DNAH6: variants seen among roughly 807,000 people sequenced by gnomAD.
The protein encoded by DNAH6 is axonemal beta dynein heavy chain 6.
DNAH6 carries 340 observed loss-of-function variants against 491.4 expected under a neutral mutation model. The observed-to-expected ratio is 0.69, with a 90% CI of 0.63 to 0.76. DNAH6 has a LOEUF of 0.76. DNAH6 is among the 30% of genes least tolerant of loss of function. The probability of loss-of-function intolerance (pLI) is 0.00; values close to 1 mark genes in which losing one functional copy is unlikely to be tolerated. For missense variants in DNAH6, 4,443 were observed against 4,972.2 expected, an observed-to-expected ratio of 0.89 and a Z score of 3.20; for synonymous variants, 1,603 against 1,686.1, an observed-to-expected ratio of 0.95 and a Z score of 1.21.
rs907916269 is a variant in DNAH6, at chr2:84,733,481, C to T, written c.10244C>T (p.Thr3415Ile). 3.2e-6 allele frequency: 5 copies of T among 1,551,272 alleles called. No individual in the cohort carries two copies. The highest frequency in any genetic ancestry group is 1.7e-4 in the Middle Eastern group (1 of 6,014). ...AAGCCTGAAGCTCCCTGGCTACCTA[C>T]TGCTACATGGTTCGCATGCTGTGAC... ...PPKPEAPWLP[T>I]ATWFACCDLE... is the part of the protein sequence containing the mutation. The change falls in exon 62 of 77, where the codon ACT becomes ATT. Residue 3415 changes from threonine (T) to isoleucine (I), a missense_variant. By Grantham distance (89) the Thr-to-Ile change is moderately conservative (BLOSUM62 -1). This residue lies in a region of DNAH6 where 1,463 missense variants were observed against 1,656.6 expected (regional missense o/e 0.88). Transcript: ENST00000389394.
At chr2:84,737,849 G>A (rs1398088112) in intron 62 of DNAH6, among the ~76,000 whole-genome samples, 2 of 151,744 alleles carry the variant, frequency 1.3e-5, no homozygotes, top group East Asian at 1.9e-4. Context: ...CCTGATTATA[G>A]TTCTTTTATT....
chr2:84,534,103 T>C (rs1474435236), intron 4 of DNAH6, among the ~76,000 whole-genome samples: 1 of 151,990 alleles, frequency 6.6e-6, no homozygotes, highest in Non-Finnish European at 1.5e-5. Flanking sequence ...TCACAAAATT[T>C]ACATAACACT....
At chr2:84,602,988 T>G (rs1685411275) in intron 18 of DNAH6, among the ~76,000 whole-genome samples, 2 of 152,194 alleles carry the variant, frequency 1.3e-5, no homozygotes, top group East Asian at 3.9e-4. Flanking sequence ...ACCTCTCTGT[T>G]GACATTTCCC....
intron 26 of DNAH6, 145 bp downstream of exon 26, chr2:84,621,696 T>A (rs2104403191): frequency 1.9e-6 from 1 of 522,474 alleles, no homozygotes; most frequent in Middle Eastern, 5.1e-4. Flanking sequence ...GCTTTACAAT[T>A]CTAAAATTAT....
At chr2:84,560,449 T>C (rs995722446) in intron 11 of DNAH6, among the ~76,000 whole-genome samples, 3 of 150,688 alleles carry the variant, frequency 2.0e-5, no homozygotes, top group African/African-American at 7.4e-5. Context: ...TTTTCTTTTT[T>C]TTTTCTTTTT....
At chr2:84,741,870 A>G (rs767881054) in intron 62 of DNAH6, among the ~76,000 whole-genome samples, 50 of 152,204 alleles carry the variant, frequency 3.3e-4, no homozygotes, top group Non-Finnish European at 6.5e-4. Context: ...ACAAGGCCCT[A>G]GTGGGTCAAG....
chr2:84,505,559 T>A, the DNAH6 span, among the ~76,000 whole-genome samples: 47 of 152,154 alleles, frequency 3.1e-4, no homozygotes, highest in Non-Finnish European at 4.4e-5. Context: ...TTTTTTTAAG[T>A]TCTTTTTTTA....
At chr2:84,573,867 A>G in intron 12 of DNAH6, among the ~76,000 whole-genome samples, 1 of 152,206 alleles carries the variant, frequency 6.6e-6, no homozygotes, top group East Asian at 1.9e-4. Context: ...CTAAGAGTAT[A>G]TAGCCTGCAT....
At chr2:84,806,524 C>T (rs1679424069) in intron 71 of DNAH6, among the ~76,000 whole-genome samples, 1 of 146,656 alleles carries the variant, frequency 6.8e-6, no homozygotes. Flanking sequence ...GAGGCTGAGG[C>T]AGGAGAATGG....
At chr2:84,562,623 G>A (rs990496660) in intron 11 of DNAH6, among the ~76,000 whole-genome samples, 2 of 152,154 alleles carry the variant, frequency 1.3e-5, no homozygotes, top group African/African-American at 4.8e-5. Context: ...GATTATTACA[G>A]TGTAAGGATA....
In DNAH6 at chr2:84,672,339, A is replaced by G. The variant is rs1692815931; in HGVS notation, c.6467A>G (p.Asn2156Ser). ...KRKNILGAPG[N>S]KRIVIFVDDL... ...TTTATTTCCCTAGGAGCACCGGGAA[A>G]CAAACGAATTGTGATTTTTGTTGAT... Residue 2156 changes from asparagine to serine, a missense_variant, in exon 40 of 77, where the codon AAC (asparagine) becomes AGC (serine). Coordinates refer to ENST00000389394, the MANE Select transcript of DNAH6 (RefSeq NM_001370.2). 1.9e-6 allele frequency: 3 copies of G among 1,547,998 alleles called. No individual in the cohort carries two copies. Among genetic ancestry groups the G allele is most frequent in the Non-Finnish European group, 2.6e-6 (3 of 1,145,722 alleles).
chr2:84,736,157 G>A (rs1040189065), intron 62 of DNAH6, among the ~76,000 whole-genome samples: 1 of 152,048 alleles, frequency 6.6e-6, no homozygotes, highest in Non-Finnish European at 1.5e-5. Context: ...AGATCAGTTG[G>A]TTGTAGGTGT....
At chr2:84,460,312 C>A in the DNAH6 span, among the ~76,000 whole-genome samples, 2 of 152,170 alleles carry the variant, frequency 1.3e-5, no homozygotes, top group Non-Finnish European at 2.9e-5. Context: ...CAAATAAACT[C>A]CTCCCTCATG....
the DNAH6 span, among the ~76,000 whole-genome samples, chr2:84,468,350 A>G: frequency 6.6e-6 from 1 of 152,202 alleles, no homozygotes; most frequent in Non-Finnish European, 1.5e-5. Context: ...TACTAGCTTT[A>G]GGGTGGAGCC....
chr2:84,503,171 G>C, the DNAH6 span, among the ~76,000 whole-genome samples: 1 of 151,762 alleles, frequency 6.6e-6, no homozygotes, highest in Non-Finnish European at 1.5e-5. Context: ...TTTTTGGTTT[G>C]AGATCACCAT....
intron 35 of DNAH6, among the ~76,000 whole-genome samples, chr2:84,655,886 G>A (rs1191960359): frequency 2.0e-4 from 30 of 151,972 alleles, no homozygotes; most frequent in Admixed American, 1.9e-3. Context: ...ATAATGTCAC[G>A]TTTCCACCAT....
At chr2:84,560,798 C>T (rs1231747718) in intron 11 of DNAH6, among the ~76,000 whole-genome samples, 3 of 152,002 alleles carry the variant, frequency 2.0e-5, no homozygotes, top group Admixed American at 6.6e-5. Context: ...CTCATCATTT[C>T]TTATGGCTGC....
chr2:84,705,985 A>G (rs1696389453), intron 52 of DNAH6, among the ~76,000 whole-genome samples: 1 of 152,176 alleles, frequency 6.6e-6, no homozygotes, highest in Admixed American at 6.5e-5. Flanking sequence ...CTGAAAAAAA[A>G]GGAATTAATC....
intron 11 of DNAH6, among the ~76,000 whole-genome samples, chr2:84,562,021 A>C (rs919975428): frequency 2.0e-5 from 3 of 152,214 alleles, no homozygotes; most frequent in African/African-American, 7.2e-5. Flanking sequence ...GATAGATACA[A>C]GAATAGGAAA....
Sources: allele counts gnomAD v4.1 joint callset (sites outside exome capture counted in the v4.1 genomes callset), GRCh38; gene constraint gnomAD v4.1.1; regional missense constraint gnomAD v4.1.1; transcripts MANE v1.5; gene names NCBI Gene and HGNC (gene_info 2026-07-23, HGNC 2026-07-21).